NTN1: variants seen among roughly 807,000 people sequenced by gnomAD.
NTN1 encodes netrin 1.
Under a neutral mutation model 54.2 loss-of-function variants are expected in NTN1, and 11 were observed. The ratio of observed to expected loss-of-function variants is 0.20; its 90% confidence interval spans 0.13 to 0.34. The LOEUF (loss-of-function observed/expected upper bound fraction) is 0.34, where lower values mean the gene tolerates loss of function less well. Among genes scored for constraint, NTN1 ranks in the 10% least tolerant of loss-of-function variants. The pLI is 1.00. For missense variants in NTN1, 740 were observed against 893.1 expected (o/e 0.83, Z 2.18); for synonymous variants, 371 against 382.0 (o/e 0.97, Z 0.33).
At chr17:9,151,286 C>T (rs1412439038) in intron 2 of NTN1, among the ~76,000 whole-genome samples, 1 of 152,116 alleles carries the variant, frequency 6.6e-6, no homozygotes, top group Non-Finnish European at 1.5e-5. Context: ...TATTAGTGGC[C>T]TGAAGGACTG....
chr17:9,199,723 G>A (rs571274843), intron 5 of NTN1, among the ~76,000 whole-genome samples: 8 of 152,378 alleles, frequency 5.3e-5, no homozygotes, highest in East Asian at 3.9e-4. Flanking sequence ...CAAGGGGGTC[G>A]CTGGGTAATG....
intron 2 of NTN1, among the ~76,000 whole-genome samples, chr17:9,131,683 C>T (rs924340683): frequency 2.6e-5 from 4 of 151,634 alleles, no homozygotes; most frequent in Non-Finnish European, 5.9e-5. Context: ...TGGGCTCAAG[C>T]GATTCTTCTG....
chr17:9,114,160 A>T (rs71312967), intron 2 of NTN1, among the ~76,000 whole-genome samples: 4,923 of 93,070 alleles, frequency 0.053, 224 homozygotes, highest in East Asian at 0.15. Flanking sequence ...AAAGAAAAAA[A>T]AAAAAAATAT....
intron 5 of NTN1, chr17:9,183,311 AG>A: frequency 1.8e-6 from 1 of 559,710 alleles, no homozygotes. Flanking sequence ...GCTGCAGAGA[AG>A]GAAGGAGCCA....
At chr17:9,180,060 G>T (rs9906162) in intron 4 of NTN1, 104 bp downstream of exon 4, 513,962 of 1,330,998 alleles carry the variant, frequency 0.39, 101,776 homozygotes, top group Middle Eastern at 0.5. Flanking sequence ...TTTTTGGTTG[G>T]TTGAGTCTCA....
chr17:9,134,675 A>C (rs887851660), intron 2 of NTN1, among the ~76,000 whole-genome samples: 1 of 152,274 alleles, frequency 6.6e-6, no homozygotes, highest in African/African-American at 2.4e-5. Flanking sequence ...CAGGGGTTCC[A>C]AATGTTCAGG....
intron 2 of NTN1, among the ~76,000 whole-genome samples, chr17:9,130,426 A>G (rs1421518441): frequency 6.6e-6 from 1 of 152,020 alleles, no homozygotes; most frequent in Non-Finnish European, 1.5e-5. Context: ...GGGGGAGGTG[A>G]TTAAAGATCA....
At chr17:9,195,607 C>G (rs1258854323) in intron 5 of NTN1, among the ~76,000 whole-genome samples, 1 of 152,138 alleles carries the variant, frequency 6.6e-6, no homozygotes, top group Non-Finnish European at 1.5e-5. Context: ...CCCAGGTGGC[C>G]CAGGCTCAGA....
intron 5 of NTN1, among the ~76,000 whole-genome samples, chr17:9,220,237 G>A (rs1905301086): frequency 6.6e-6 from 1 of 152,218 alleles, no homozygotes; most frequent in Non-Finnish European, 1.5e-5. Flanking sequence ...TCTGTGGAAT[G>A]GGAATGATAC....
chr17:9,116,533 C>T (rs2092213353), intron 2 of NTN1, among the ~76,000 whole-genome samples: 1 of 152,186 alleles, frequency 6.6e-6, no homozygotes, highest in African/African-American at 2.4e-5. Context: ...CTCTGATTTC[C>T]CCTTATTTCA....
rs1179876418 is a variant in NTN1, at chr17:9,022,501, A to T, written c.128A>T (p.Asp43Val). The T allele has an allele frequency of 6.5e-7, 1 of 1,543,690 alleles. No individual in the cohort carries two copies. Among genetic ancestry groups the T allele is most frequent in the Non-Finnish European group, 8.7e-7 (1 of 1,148,534 alleles). The change falls in exon 2 of 7, where the codon GAC (aspartate) becomes GTC (valine). Residue 43 changes from aspartate (D) to valine (V), a missense_variant. Physicochemically the swap from Asp to Val is radical, Grantham distance 152 (BLOSUM62 -3). Coordinates refer to ENST00000173229, the MANE Select transcript of NTN1 (RefSeq NM_004822.3). ...GQAAQPDPCS[D>V]ENGHPRRCIP... ...GCGGCGCAGCCCGATCCCTGCTCGG[A>T]CGAGAACGGCCACCCGCGCCGCTGC... is the stretch of plus-strand genomic sequence containing the variant.
chr17:9,093,588 G>C (rs2092120898), intron 2 of NTN1, among the ~76,000 whole-genome samples: 2 of 152,176 alleles, frequency 1.3e-5, no homozygotes, highest in Admixed American at 1.3e-4. Context: ...ATGAACTCCT[G>C]GGCTCAAGTG....
chr17:9,142,220 C>T (rs565831979), intron 2 of NTN1, among the ~76,000 whole-genome samples: 5 of 150,660 alleles, frequency 3.3e-5, no homozygotes, highest in South Asian at 4.2e-4. Flanking sequence ...ACCTGGGAGG[C>T]GGAGGTTGCA....
At chr17:9,010,090 T>C in the NTN1 span, among the ~76,000 whole-genome samples, 7 of 152,220 alleles carry the variant, frequency 4.6e-5, no homozygotes, top group Non-Finnish European at 7.3e-5. Flanking sequence ...GGGATAGGAT[T>C]CTACTGTCAG....
At chr17:9,133,908 T>TC (rs2092273493) in intron 2 of NTN1, among the ~76,000 whole-genome samples, 1 of 126,318 alleles carries the variant, frequency 7.9e-6, no homozygotes, top group Admixed American at 7.7e-5. Context: ...CCTTTTTTTT[T>TC]TTTTTTTTTT....
chr17:9,182,866 C>T (rs1207719443), intron 4 of NTN1, 50 bp from the exon 5 acceptor site: 2 of 1,592,270 alleles, frequency 1.3e-6, no homozygotes, highest in Non-Finnish European at 1.7e-6. Flanking sequence ...ATCATGTCGT[C>T]TTACCTTGTT....
intron 5 of NTN1, among the ~76,000 whole-genome samples, chr17:9,200,067 G>A (rs78443204): frequency 0.016 from 2,369 of 152,330 alleles, 64 homozygotes; most frequent in African/African-American, 0.053. Context: ...AAGCTAACCG[G>A]CTAGCCAACC....
Position 9,239,674 on chromosome 17 carries a change from G to A in NTN1, c.1521G>A (p.Ala507=), listed in dbSNP as rs140474900. 35 of 1,612,730 alleles carry A rather than the reference G, an allele frequency of 2.2e-5. No individual in the cohort carries two copies. The African/African-American group carries it at 4.4e-4, about 20-fold the overall frequency. ...VQIHILKADK[A]GDWWKFTVNI... ...TCCACATCCTGAAGGCGGACAAGGC[G>A]GGGGACTGGTGGAAGTTCACGGTGA... Residue 507 remains alanine, a synonymous_variant, in exon 7 of 7, where the codon GCG becomes GCA. Transcript: ENST00000173229. The surrounding 1 kb of genome is among the most constrained non-coding windows in gnomAD (Gnocchi z 5.2).
chr17:9,202,055 CAAAAAAAAAAAAAAAAAAAAAA>C (rs773720564), intron 5 of NTN1, among the ~76,000 whole-genome samples: 2 of 48,316 alleles, frequency 4.1e-5, no homozygotes, highest in Non-Finnish European at 6.8e-5. Context: ...CACACACACA[CAAAAAAAAAAAAAAAAAAAAAA>C]AAAAAAAAAA....
Sources: allele counts gnomAD v4.1 joint callset (sites outside exome capture counted in the v4.1 genomes callset), GRCh38; gene constraint gnomAD v4.1.1; non-coding constraint Gnocchi (gnomAD v3.1); transcripts MANE v1.5; gene names NCBI Gene and HGNC (gene_info 2026-07-23, HGNC 2026-07-21).